ARIH2: variants seen among roughly 807,000 people sequenced by gnomAD.
The protein encoded by ARIH2 is E3 ubiquitin-protein ligase ARIH2.
ARIH2 carries 12 observed loss-of-function variants against 79.8 expected under a neutral mutation model. The observed-to-expected ratio is 0.15, with a 90% CI of 0.10 to 0.24. The LOEUF (loss-of-function observed/expected upper bound fraction) is 0.24, where lower values mean the gene tolerates loss of function less well. Ranked by LOEUF, ARIH2 falls within the 10% of genes least tolerant of loss-of-function variation. The probability of loss-of-function intolerance (pLI) is 1.00; values close to 1 mark genes in which losing one functional copy is unlikely to be tolerated. For missense variants in ARIH2, 301 were observed against 618.3 expected (o/e 0.49, Z 5.44); for synonymous variants, 224 against 213.9 (o/e 1.05, Z -0.41).
chr3:48,971,450 G>A lies in ARIH2; in HGVS notation c.770+746G>A, dbSNP rs577560571. 5.9e-5 allele frequency among the ~76,000 whole-genome samples: 9 copies of A among 152,264 alleles called. No homozygotes were observed. In the South Asian group the frequency reaches 1.9e-3, roughly 32 times the overall value. On this transcript the variant is annotated intron_variant, in intron 8 of 15. Transcript: ENST00000356401. The stretch of plus-strand genomic sequence containing the variant: ...AGTAGAGACAGGGTTTCACTGTGTT[G>A]GCCAGGCTGGTCTCAAACTCCTGAC...
chr3:48,974,914 G>A (rs756731780), intron 10 of ARIH2, 44 bp from the exon 11 acceptor site: 2 of 1,614,142 alleles, frequency 1.2e-6, no homozygotes, highest in East Asian at 4.5e-5. Flanking sequence ...GGAAGCTTTG[G>A]TCAGTGTGCC....
chr3:48,970,919 G>A (rs2092189208), intron 8 of ARIH2: 2 of 455,244 alleles, frequency 4.4e-6, no homozygotes, highest in Admixed American at 3.7e-5. Flanking sequence ...AGTGACACAG[G>A]TTCTTGGAAA....
chr3:48,961,274 A>G (rs1248728286), intron 3 of ARIH2, among the ~76,000 whole-genome samples: 1 of 152,230 alleles, frequency 6.6e-6, no homozygotes, highest in Non-Finnish European at 1.5e-5. Flanking sequence ...TTGAGGGAAC[A>G]TATATGACAT....
chr3:48,936,885 G>A (rs764881926), intron 3 of ARIH2, among the ~76,000 whole-genome samples: 3 of 151,932 alleles, frequency 2.0e-5, no homozygotes, highest in Non-Finnish European at 2.9e-5. Context: ...AAAATTAGCC[G>A]GGCATGGTGG....
At chr3:48,939,588 T>C (rs1473385565) in intron 3 of ARIH2, among the ~76,000 whole-genome samples, 1 of 150,816 alleles carries the variant, frequency 6.6e-6, no homozygotes, top group Non-Finnish European at 1.5e-5. Flanking sequence ...AAACCCTGTC[T>C]CTACTAAAAA....
In ARIH2 at chr3:48,980,512, C is replaced by T; in HGVS notation, c.1257+16C>T. ...CTTGGCCAAGGTATCTACCACTTCA[C>T]TCATCTTATCCCTGGTCCAGTGCCT... On this transcript the variant is annotated intron_variant, in intron 13 of 15. Coordinates refer to ENST00000356401, the MANE Select transcript of ARIH2 (RefSeq NM_006321.4). 2 of 1,612,890 alleles carry T rather than the reference C, an allele frequency of 1.2e-6. No individual in the cohort carries two copies. Among genetic ancestry groups the T allele is most frequent in the Non-Finnish European group, 1.7e-6 (2 of 1,179,308 alleles).
intron 8 of ARIH2, among the ~76,000 whole-genome samples, chr3:48,973,145 C>T (rs2092328780): frequency 6.6e-6 from 1 of 152,182 alleles, no homozygotes; most frequent in African/African-American, 2.4e-5. Flanking sequence ...ATAACTTTAC[C>T]TATTTGAAAA....
intron 3 of ARIH2, among the ~76,000 whole-genome samples, chr3:48,956,623 C>G (rs2107474953): frequency 6.7e-6 from 1 of 150,172 alleles, no homozygotes; most frequent in Non-Finnish European, 1.5e-5. Context: ...GTGGGGATCC[C>G]AGTAGTGTCT....
At chr3:48,973,664 T>G (rs2092364095) in intron 8 of ARIH2, 35 bp from the exon 9 acceptor site, 1 of 1,519,768 alleles carries the variant, frequency 6.6e-7, no homozygotes, top group Admixed American at 1.7e-5. Flanking sequence ...CCTGACTTAA[T>G]GAATATTTGA....
chr3:48,963,116 A>G (rs973888512), intron 4 of ARIH2, among the ~76,000 whole-genome samples: 1 of 152,216 alleles, frequency 6.6e-6, no homozygotes, highest in Non-Finnish European at 1.5e-5. Flanking sequence ...TGGGAAGGAC[A>G]TACCAGCTGG....
At chr3:48,934,153 C>T (rs1458667728) in intron 3 of ARIH2, among the ~76,000 whole-genome samples, 4 of 152,004 alleles carry the variant, frequency 2.6e-5, no homozygotes, top group Admixed American at 2.0e-4. Context: ...TCTTAAGTGC[C>T]GAAGTCTTTA....
At chr3:48,980,127 G>A (rs551091995) in intron 12 of ARIH2, 13 of 403,596 alleles carry the variant, frequency 3.2e-5, no homozygotes, top group African/African-American at 2.0e-5. Flanking sequence ...CTCAGGGCTC[G>A]AGTCCTGTTG....
chr3:48,923,841 A>G (rs1330385954), intron 2 of ARIH2, among the ~76,000 whole-genome samples: 1 of 152,172 alleles, frequency 6.6e-6, no homozygotes, highest in Non-Finnish European at 1.5e-5. Context: ...TTATATAAAA[A>G]TGTGACTGTA....
intron 3 of ARIH2, among the ~76,000 whole-genome samples, chr3:48,933,233 C>CGG (rs1559731164): frequency 1.5e-5 from 2 of 130,250 alleles, no homozygotes; most frequent in Non-Finnish European, 3.2e-5. Flanking sequence ...ACCACATGCC[C>CGG]GGGTGTGTGT....
intron 3 of ARIH2, among the ~76,000 whole-genome samples, chr3:48,959,658 A>AC (rs1189206137): frequency 7.8e-6 from 1 of 128,554 alleles, no homozygotes; most frequent in Admixed American, 7.7e-5. Context: ...CCAAAAAAAA[A>AC]AAAAAAAAAA....
chr3:48,965,301 A>G (rs1004850688), intron 5 of ARIH2, among the ~76,000 whole-genome samples: 1 of 152,100 alleles, frequency 6.6e-6, no homozygotes, highest in Admixed American at 6.5e-5. Context: ...CGGAGCTTGC[A>G]GTGAGCCAAG....
chr3:48,958,555 C>T (rs577096276), intron 3 of ARIH2, among the ~76,000 whole-genome samples: 1 of 151,712 alleles, frequency 6.6e-6, no homozygotes, highest in South Asian at 2.1e-4. Context: ...ACTAAAAATA[C>T]AAAAATTAGC....
At chr3:48,958,078 A>G (rs1576390626) in intron 3 of ARIH2, among the ~76,000 whole-genome samples, 1 of 152,176 alleles carries the variant, frequency 6.6e-6, no homozygotes, top group East Asian at 1.9e-4. Flanking sequence ...AGAGCAGGTC[A>G]AAACTCCCGT....
intron 3 of ARIH2, among the ~76,000 whole-genome samples, chr3:48,942,052 A>ATT (rs35777653): frequency 1.0e-3 from 142 of 138,430 alleles, no homozygotes; most frequent in East Asian, 2.1e-3. Flanking sequence ...TACCTGGCTA[A>ATT]TTTTTTTTTT....
Sources: gnomAD v4.1 joint callset for allele counts (sites outside exome capture counted in the v4.1 genomes callset) on GRCh38, gnomAD v4.1.1 for gene constraint, MANE v1.5 for transcripts, NCBI Gene and HGNC (gene_info 2026-07-23, HGNC 2026-07-21) for gene names.